Variants in PLPP3 observed in about 807,000 individuals in gnomAD.
PLPP3 encodes the protein phospholipid phosphatase 3, also known as PAP2 beta.
In PLPP3, 6 loss-of-function variants were observed where a neutral mutation model predicts 29.6. The observed-to-expected ratio is 0.20, with a 90% CI of 0.11 to 0.40. PLPP3 has a LOEUF of 0.40. PLPP3 is among the 10% of genes least tolerant of loss of function. PLPP3 has a pLI of 1.00. For missense variants in PLPP3, 308 were observed against 407.7 expected, an observed-to-expected ratio of 0.76 and a Z score of 2.11; for synonymous variants, 152 against 159.7, an observed-to-expected ratio of 0.95 and a Z score of 0.36.
chr1:56,541,516 T>G (rs1645969530), intron 1 of PLPP3, among the ~76,000 whole-genome samples: 1 of 152,054 alleles, frequency 6.6e-6, no homozygotes, highest in Non-Finnish European at 1.5e-5. Context: ...GCCACTGAAA[T>G]GAAAGAGGCT....
rs535586274 is a variant in PLPP3, at chr1:56,562,106, G to T, written c.139+16772C>A. Among the ~76,000 whole-genome samples the T allele has an allele frequency of 8.7e-5, 13 of 149,610 alleles. No individual in the cohort carries two copies. In the East Asian group the frequency reaches 2.6e-3, roughly 29 times the overall value. On this transcript the variant is annotated intron_variant, in intron 1 of 5. Coordinates refer to ENST00000371250, the MANE Select transcript of PLPP3 (RefSeq NM_003713.5). ...ACATACCAAGCAAAGAGAAAGAATG[G>T]CATGGTAGAAAAGGACCTGGAAAAG... is the stretch of plus-strand genomic sequence containing the variant.
At chr1:56,554,635 G>C (rs1293548144) in intron 1 of PLPP3, among the ~76,000 whole-genome samples, 1 of 151,514 alleles carries the variant, frequency 6.6e-6, no homozygotes, top group Admixed American at 6.6e-5. Flanking sequence ...GGAAAGTATT[G>C]TTATTATTCA....
At chr1:56,499,730 G>A (rs1379073267) in intron 5 of PLPP3, among the ~76,000 whole-genome samples, 1 of 152,156 alleles carries the variant, frequency 6.6e-6, no homozygotes, top group African/African-American at 2.4e-5. Context: ...ATCACGAAAC[G>A]TAATACTGTC....
At chr1:56,508,299 T>TG (rs1378802946) in intron 5 of PLPP3, among the ~76,000 whole-genome samples, 2 of 152,164 alleles carry the variant, frequency 1.3e-5, no homozygotes, top group Non-Finnish European at 2.9e-5. Flanking sequence ...GCCTGGGTCT[T>TG]GGAGTGCCAG....
At chr1:56,517,787 A>G (rs1422488987) in intron 4 of PLPP3, among the ~76,000 whole-genome samples, 3 of 152,232 alleles carry the variant, frequency 2.0e-5, no homozygotes, top group Non-Finnish European at 4.4e-5. Flanking sequence ...TCCAGGGGAC[A>G]TTTAGAACTT....
chr1:56,511,680 A>C (rs751465742), intron 5 of PLPP3, among the ~76,000 whole-genome samples: 12 of 152,164 alleles, frequency 7.9e-5, no homozygotes, highest in Non-Finnish European at 1.8e-4. Context: ...AACATGAGCA[A>C]GTTGGACAAT....
At chr1:56,522,127 A>G (rs1386659834) in intron 4 of PLPP3, among the ~76,000 whole-genome samples, 1 of 152,242 alleles carries the variant, frequency 6.6e-6, no homozygotes, top group Non-Finnish European at 1.5e-5. Context: ...GACTGATGGT[A>G]GAACTTTTGT....
At chr1:56,573,888 C>A (rs1185711169) in intron 1 of PLPP3, among the ~76,000 whole-genome samples, 4 of 152,078 alleles carry the variant, frequency 2.6e-5, no homozygotes, top group African/African-American at 7.2e-5. Flanking sequence ...CTAAAATTGA[C>A]AGGTAATCAA....
At chr1:56,527,778 G>A (rs1645861437) in intron 2 of PLPP3, among the ~76,000 whole-genome samples, 1 of 152,102 alleles carries the variant, frequency 6.6e-6, no homozygotes, top group Non-Finnish European at 1.5e-5. Flanking sequence ...ACCCTTAAAA[G>A]TCTATTTAAT....
At chr1:56,557,033 AGAGAGAGAGAGAGAGAGAGAGAGAGAAAG>A (rs1646086513) in intron 1 of PLPP3, among the ~76,000 whole-genome samples, 1 of 52,990 alleles carries the variant, frequency 1.9e-5, no homozygotes, top group African/African-American at 5.4e-5. Flanking sequence ...AGAAAGAGAG[AGAGAGAGAGAGAGAGAGAGAGAGAGAAAG>A]AAAGAAAGAA....
intron 5 of PLPP3, among the ~76,000 whole-genome samples, chr1:56,500,087 T>C (rs1246556259): frequency 6.6e-6 from 1 of 152,256 alleles, no homozygotes; most frequent in Non-Finnish European, 1.5e-5. Context: ...TTGTTTTCAA[T>C]TCCGTTTCTC....
At chr1:56,499,088 T>A (rs939751868) in intron 5 of PLPP3, among the ~76,000 whole-genome samples, 1 of 42,808 alleles carries the variant, frequency 2.3e-5, no homozygotes, top group Non-Finnish European at 5.8e-5. Flanking sequence ...CCCCCCCACC[T>A]TCCCCCCTTC....
chr1:56,537,257 T>C, intron 1 of PLPP3, 145 bp from the exon 2 acceptor site: 1 of 953,126 alleles, frequency 1.0e-6, no homozygotes, highest in Non-Finnish European at 1.5e-6. Context: ...TGTAGAGATC[T>C]ACTGCCTAGA....
chr1:56,554,571 CAAAAA>C (rs1377385549), intron 1 of PLPP3, among the ~76,000 whole-genome samples: 1 of 93,622 alleles, frequency 1.1e-5, no homozygotes, highest in Non-Finnish European at 2.1e-5. Flanking sequence ...GACTCCATCT[CAAAAA>C]AAAAAAAAAA....
intron 1 of PLPP3, among the ~76,000 whole-genome samples, chr1:56,557,138 G>C (rs1335952846): frequency 1.3e-5 from 2 of 151,444 alleles, no homozygotes; most frequent in Non-Finnish European, 2.9e-5. Flanking sequence ...CCAACACTTT[G>C]GGAGGCCGAG....
intron 2 of PLPP3, among the ~76,000 whole-genome samples, chr1:56,535,704 G>T (rs1645922174): frequency 6.6e-6 from 1 of 152,168 alleles, no homozygotes. Flanking sequence ...TCTGCTTGGG[G>T]AAGGAAGGAT....
At chr1:56,559,652 T>C (rs188917013) in intron 1 of PLPP3, among the ~76,000 whole-genome samples, 87 of 152,154 alleles carry the variant, frequency 5.7e-4, no homozygotes, top group African/African-American at 1.9e-3. Context: ...ATGGGGCTAA[T>C]ATCTGTTTTG....
rs146258269 is a variant in PLPP3, at chr1:56,511,994, G to A, written c.792C>T (p.Ala264=). 595 of 1,613,368 alleles carry A rather than the reference G, an allele frequency of 3.7e-4. 1 individual carries two copies. The African/African-American group carries it at 7.1e-3, about 19-fold the overall frequency. ...SDVLAGFAQG[A]LVACCIVFFV... The stretch of plus-strand genomic sequence containing the variant: ...TACTTACTATGCAGCAGGCCACCAG[G>A]GCTCCTTGAGCAAATCCTGCCAGAA... The change falls in exon 5 of 6, where the codon GCC becomes GCT. Residue 264 remains alanine, a synonymous_variant. Coordinates refer to ENST00000371250, the MANE Select transcript of PLPP3 (RefSeq NM_003713.5).
intron 5 of PLPP3, among the ~76,000 whole-genome samples, chr1:56,504,326 C>T (rs1645687550): frequency 6.6e-6 from 1 of 152,062 alleles, no homozygotes; most frequent in African/African-American, 2.4e-5. Context: ...GTGGGCAATA[C>T]TGATGGAGAA....
Sources: allele counts gnomAD v4.1 joint callset (sites outside exome capture counted in the v4.1 genomes callset), GRCh38; gene constraint gnomAD v4.1.1; transcripts MANE v1.5; gene names NCBI Gene and HGNC (gene_info 2026-07-23, HGNC 2026-07-21).